Variants in CPEB3 observed in about 807,000 individuals in gnomAD.
The protein encoded by CPEB3 is cytoplasmic polyadenylation element binding protein 3.
CPEB3 carries 20 observed loss-of-function variants against 67.2 expected under a neutral mutation model. That is an observed-to-expected ratio of 0.30 (90% CI 0.21 to 0.43). The LOEUF (loss-of-function observed/expected upper bound fraction) is 0.43. Ranked by LOEUF, CPEB3 falls within the 20% of genes least tolerant of loss-of-function variation. CPEB3 has a pLI of 1.00. For synonymous variants in CPEB3, 376 were observed against 393.1 expected, an observed-to-expected ratio of 0.96 and a Z score of 0.51; for missense variants, 746 against 968.6, an observed-to-expected ratio of 0.77 and a Z score of 3.05.
chr10:92,273,504 G>T (rs978753973), intron 1 of CPEB3, among the ~76,000 whole-genome samples: 17 of 152,228 alleles, frequency 1.1e-4, no homozygotes, highest in African/African-American at 4.1e-4. Context: ...TCCTTAAGTA[G>T]AGGAAGACTA....
In CPEB3 at chr10:92,132,726, G is replaced by A. The variant is rs150248692; in HGVS notation, c.1453+10303C>T. On this transcript the variant is annotated intron_variant, in intron 6 of 9. Transcript: ENST00000265997. ...CAACAGAACATACGTTCTTGTCAGC[G>A]CCACATCACACTCATTCCAAAATTG... is the stretch of plus-strand genomic sequence containing the variant. Among the ~76,000 whole-genome samples, 521 of 152,148 alleles carry A rather than the reference G, an allele frequency of 3.4e-3. 2 individuals carry two copies. Among genetic ancestry groups the A allele is most frequent in the South Asian group, 0.016 (75 of 4,824 alleles).
intron 9 of CPEB3, among the ~76,000 whole-genome samples, chr10:92,056,368 G>T (rs1450423145): frequency 1.3e-5 from 2 of 152,042 alleles, no homozygotes; most frequent in South Asian, 4.1e-4. Flanking sequence ...ACCTCCACCC[G>T]ACCCATGCCC....
chr10:92,284,454 C>G (rs571852456), intron 1 of CPEB3, among the ~76,000 whole-genome samples: 1 of 152,168 alleles, frequency 6.6e-6, no homozygotes, highest in Non-Finnish European at 1.5e-5. Context: ...GCCTTTCACT[C>G]ACTGATATTT....
intron 2 of CPEB3, among the ~76,000 whole-genome samples, chr10:92,233,406 G>A (rs939342622): frequency 1.3e-5 from 2 of 151,868 alleles, no homozygotes; most frequent in African/African-American, 4.8e-5. Context: ...GCATGGTGGT[G>A]CACACCTGTA....
chr10:92,210,272 C>T (rs1434902815), intron 2 of CPEB3, among the ~76,000 whole-genome samples: 1 of 152,148 alleles, frequency 6.6e-6, no homozygotes, highest in African/African-American at 2.4e-5. Context: ...ATGCCTACCT[C>T]ACCTGGATGC....
At position 92,051,917 on chromosome 10, in the gene CPEB3, C is replaced by T; in HGVS notation, c.*295G>A. The T allele has an allele frequency of 3.4e-6, 1 of 291,058 alleles. No homozygotes were observed. Among genetic ancestry groups the T allele is most frequent in the Non-Finnish European group, 6.5e-6 (1 of 154,362 alleles). The allele number at this position is 291,058 out of a possible 1,614,324, so 18.0% of individuals were successfully genotyped here. A position where few individuals can be genotyped will look rare whatever the true frequency, so the allele number is the denominator to read the frequency against. Reference sequence around the variant, plus strand: ...GGCCGCTGATGAGAATGGCAGTCTACATACTGTCACGAGTGACAAATCAGG... The same window carrying T: ...GGCCGCTGATGAGAATGGCAGTCTATATACTGTCACGAGTGACAAATCAGG... On this transcript the variant is annotated 3_prime_UTR_variant, in exon 10 of 10. Coordinates refer to ENST00000265997, the MANE Select transcript of CPEB3 (RefSeq NM_014912.5).
intron 3 of CPEB3, among the ~76,000 whole-genome samples, chr10:92,187,361 G>C (rs1482730363): frequency 6.6e-6 from 1 of 152,196 alleles, no homozygotes; most frequent in Non-Finnish European, 1.5e-5. Flanking sequence ...TCAGTTCCAT[G>C]AATGGTGAGG....
chr10:92,235,555 G>T (rs2134615940), intron 2 of CPEB3, among the ~76,000 whole-genome samples: 1 of 152,312 alleles, frequency 6.6e-6, no homozygotes, highest in South Asian at 2.1e-4. Flanking sequence ...TTTACTATGG[G>T]CCAGGCACTG....
At chr10:92,077,751 G>C (rs1225293802) in intron 9 of CPEB3, among the ~76,000 whole-genome samples, 1 of 150,160 alleles carries the variant, frequency 6.7e-6, no homozygotes. Flanking sequence ...AGAAGAAAAG[G>C]GAAGAAGAGG....
chr10:92,226,856 G>A (rs149248949), intron 2 of CPEB3, among the ~76,000 whole-genome samples: 2 of 151,686 alleles, frequency 1.3e-5, no homozygotes, highest in African/African-American at 4.8e-5. Flanking sequence ...TGGGGGTGGG[G>A]GCCTGGAAGG....
At chr10:92,177,907 CATA>C (rs1445537237) in intron 4 of CPEB3, among the ~76,000 whole-genome samples, 2 of 151,996 alleles carry the variant, frequency 1.3e-5, no homozygotes, top group African/African-American at 2.4e-5. Context: ...TTTTGGGAAA[CATA>C]ATGATTGGCA....
intron 2 of CPEB3, among the ~76,000 whole-genome samples, chr10:92,229,560 T>C (rs1453350685): frequency 6.6e-6 from 1 of 152,200 alleles, no homozygotes; most frequent in Non-Finnish European, 1.5e-5. Context: ...ATAAACCTTT[T>C]ATGTCAAAGC....
intron 2 of CPEB3, among the ~76,000 whole-genome samples, chr10:92,210,128 G>A (rs1029237417): frequency 2.6e-5 from 4 of 151,964 alleles, no homozygotes; most frequent in East Asian, 1.9e-4. Flanking sequence ...ATGCTCTGCC[G>A]CTCTGCAGTT....
chr10:92,158,314 T>C (rs1430073208), intron 4 of CPEB3, among the ~76,000 whole-genome samples: 4 of 152,162 alleles, frequency 2.6e-5, no homozygotes, highest in Admixed American at 6.5e-5. Flanking sequence ...ACAGATACAA[T>C]GGATGTTTCA....
intron 1 of CPEB3, among the ~76,000 whole-genome samples, chr10:92,243,699 T>C (rs1445761881): frequency 6.6e-6 from 1 of 152,176 alleles, no homozygotes; most frequent in African/African-American, 2.4e-5. Flanking sequence ...AATCTGACCA[T>C]ACTTAAACAC....
In CPEB3 at chr10:92,050,072, A is replaced by AC. The variant is rs1841848126; in HGVS notation, c.*2139_*2140insG. On this transcript the variant is annotated 3_prime_UTR_variant, in exon 10 of 10. Transcript: ENST00000265997. ...AGCATGCCTTTTTCCTTAAAAACAAAAAAAAAAATCTGCCAACTTTTGAAA... is the reference window on the plus strand; with the variant it reads ...AGCATGCCTTTTTCCTTAAAAACAAACAAAAAAAATCTGCCAACTTTTGAAA... The AC allele has an allele frequency of 6.6e-6, 1 of 152,460 alleles. No homozygotes were observed. The highest frequency in any genetic ancestry group is 2.1e-4 in the South Asian group (1 of 4,824). 9.4% of individuals were successfully genotyped at this position (152,460 alleles called of 1,614,324 possible).
At chr10:92,236,492 A>C (rs146255608) in intron 2 of CPEB3, among the ~76,000 whole-genome samples, 1 of 152,356 alleles carries the variant, frequency 6.6e-6, no homozygotes, top group East Asian at 1.9e-4. Context: ...TCATGCCTGT[A>C]ATCCCAGCAC....
At chr10:92,289,732 A>AAAAAAAAAAAAAAAAAAAAAAAAAAATAT in intron 1 of CPEB3, among the ~76,000 whole-genome samples, 1 of 75,772 alleles carries the variant, frequency 1.3e-5, no homozygotes. Context: ...AAAAAAAAAA[A>AAAAAAAAAAAAAAAAAAAAAAAAAAATAT]ATATATATAT....
chr10:92,264,141 C>T (rs1852934179), intron 1 of CPEB3, among the ~76,000 whole-genome samples: 2 of 152,000 alleles, frequency 1.3e-5, no homozygotes. Context: ...CCAGCCTGGA[C>T]AACATGGTAA....
Sources: gnomAD v4.1 joint callset for allele counts (sites outside exome capture counted in the v4.1 genomes callset) on GRCh38, gnomAD v4.1.1 for gene constraint, MANE v1.5 for transcripts, NCBI Gene and HGNC (gene_info 2026-07-23, HGNC 2026-07-21) for gene names.